The following PCDHGA1 variants were observed in gnomAD, a reference collection of about 807,000 sequenced individuals.
PCDHGA1 encodes the protein protocadherin gamma subfamily A, 1.
Under a neutral mutation model 58.0 loss-of-function variants are expected in PCDHGA1, and 32 were observed. The observed-to-expected ratio is 0.55, with a 90% CI of 0.42 to 0.74. The LOEUF is 0.74. Among genes scored for constraint, PCDHGA1 ranks in the 30% least tolerant of loss-of-function variants. The probability of loss-of-function intolerance (pLI) is 0.00; values close to 1 mark genes in which losing one functional copy is unlikely to be tolerated. For missense variants in PCDHGA1, 1,205 were observed against 1,182.3 expected, an observed-to-expected ratio of 1.02 and a Z score of -0.28; for synonymous variants, 498 against 501.1, an observed-to-expected ratio of 0.99 and a Z score of 0.08.
At chr5:141,370,435 G>A (rs748496364) in intron 1 of PCDHGA1, 30 of 1,603,488 alleles carry the variant, frequency 1.9e-5, no homozygotes, top group Middle Eastern at 1.7e-4. Context: ...GCAGGGCAGA[G>A]GCGAATGCTA....
intron 1 of PCDHGA1, among the ~76,000 whole-genome samples, chr5:141,451,542 G>A (rs1023356681): frequency 3.3e-5 from 5 of 152,148 alleles, no homozygotes; most frequent in Non-Finnish European, 7.3e-5. Context: ...GCCAGAGAGG[G>A]CAAATGTGAT....
chr5:141,413,601 A>T (rs2095657842), intron 1 of PCDHGA1: 1 of 1,613,814 alleles, frequency 6.2e-7, no homozygotes, highest in African/African-American at 1.3e-5. Flanking sequence ...CAGAAAATCT[A>T]GACGTAAAAA....
At chr5:141,500,293 C>T (rs1380080572) in intron 2 of PCDHGA1, among the ~76,000 whole-genome samples, 3 of 151,870 alleles carry the variant, frequency 2.0e-5, no homozygotes, top group Non-Finnish European at 4.4e-5. Flanking sequence ...ACTGCAAGCT[C>T]CGCCTCCCAG....
chr5:141,475,950 C>A, intron 1 of PCDHGA1: 1 of 761,530 alleles, frequency 1.3e-6, no homozygotes, highest in African/African-American at 1.7e-5. Flanking sequence ...CCCCTTTCTG[C>A]GCCCCGGGAT....
intron 1 of PCDHGA1, chr5:141,426,685 A>C (rs1342844985): frequency 4.6e-6 from 2 of 432,608 alleles, no homozygotes; most frequent in African/African-American, 2.0e-5. Flanking sequence ...CATTTTCCCC[A>C]AAATAGCATT....
Position 141,485,086 on chromosome 5 carries a change from A to T in PCDHGA1, c.2422-9721A>T. 1.0e-6 allele frequency: 1 copy of T among 999,576 alleles called. No individual in the cohort carries two copies. Among genetic ancestry groups the T allele is most frequent in the Non-Finnish European group, 1.5e-6 (1 of 651,740 alleles). 61.9% of individuals were successfully genotyped at this position (999,576 alleles called of 1,614,324 possible). A position where few individuals can be genotyped will look rare whatever the true frequency, so the allele number is the denominator to read the frequency against. On this transcript the variant is annotated intron_variant, in intron 1 of 3. Transcript: ENST00000517417. The surrounding 1 kb of genome is among the most constrained non-coding windows in gnomAD (Gnocchi z 5.7). The stretch of plus-strand genomic sequence containing the variant: ...CCAGAGCTGGCGCGGGGAAAGGGAG[A>T]TAGGTGTCTCCAGCTGCTGTGGCTG...
At position 141,404,691 on chromosome 5, in the gene PCDHGA1, G is replaced by T. The variant is rs200601931; in HGVS notation, c.2421+71586G>T. ...TCTACTGGTGTGGAGCTGGCACCCC[G>T]CTCTGCAGAGCCTGGCTACCTGGTG... On this transcript the variant is annotated intron_variant, in intron 1 of 3. Transcript: ENST00000517417. 28 of 1,613,996 alleles carry T rather than the reference G, an allele frequency of 1.7e-5. No individual in the cohort carries two copies. The highest frequency in any genetic ancestry group is 1.6e-4 in the Middle Eastern group (1 of 6,062).
chr5:141,437,030 A>G (rs1246601314), intron 1 of PCDHGA1, among the ~76,000 whole-genome samples: 1 of 152,248 alleles, frequency 6.6e-6, no homozygotes, highest in Non-Finnish European at 1.5e-5. Context: ...CAGAAAATGG[A>G]TCACCGAAAC....
At position 141,356,613 on chromosome 5, in the gene PCDHGA1, C is replaced by T. The variant is rs756162558; in HGVS notation, c.2421+23508C>T. On this transcript the variant is annotated intron_variant, in intron 1 of 3. Transcript: ENST00000517417. ...AAAACAACCCCAGAGGAGCCTCCAT[C>T]TTATCTATGACTGCTCAAGACCCTG... is the stretch of plus-strand genomic sequence containing the variant. 5 of 1,614,220 alleles carry T rather than the reference C, an allele frequency of 3.1e-6. No homozygotes were observed. In the Admixed American group the frequency reaches 6.7e-5, roughly 22 times the overall value.
intron 1 of PCDHGA1, among the ~76,000 whole-genome samples, chr5:141,472,908 C>T (rs1369506606): frequency 1.3e-5 from 2 of 149,744 alleles, no homozygotes; most frequent in African/African-American, 2.5e-5. Context: ...ATTGCTTGAA[C>T]CCAAGAGGAG....
At chr5:141,383,621 T>C (rs1392247611) in intron 1 of PCDHGA1, 1 of 1,613,762 alleles carries the variant, frequency 6.2e-7, no homozygotes, top group Admixed American at 1.7e-5. Flanking sequence ...CACACGCCTG[T>C]CTTCTCTCTG....
chr5:141,436,700 C>T (rs2097841356), intron 1 of PCDHGA1, among the ~76,000 whole-genome samples: 1 of 152,166 alleles, frequency 6.6e-6, no homozygotes, highest in Non-Finnish European at 1.5e-5. Flanking sequence ...AATGCCAGCA[C>T]ACTCGATGTT....
chr5:141,403,612 G>C (rs1314297922), intron 1 of PCDHGA1: 9 of 1,613,736 alleles, frequency 5.6e-6, no homozygotes, highest in African/African-American at 1.3e-5. Flanking sequence ...GCGGCGAGCC[G>C]CGTCGCTCCA....
At chr5:141,356,938 C>T (rs1284977558) in intron 1 of PCDHGA1, 4 of 1,614,116 alleles carry the variant, frequency 2.5e-6, no homozygotes, top group South Asian at 2.2e-5. Flanking sequence ...GCTGGCACCC[C>T]GCTCCGCAGA....
rs138149681 is a variant in PCDHGA1, at chr5:141,486,735, G to A, written c.2422-8072G>A. Reference sequence around the variant, plus strand: ...CAGACAGGAGCTGTTCATGCTACTCGATCCTTTGACTATGAGCAAACCCAG... The same window carrying A: ...CAGACAGGAGCTGTTCATGCTACTCAATCCTTTGACTATGAGCAAACCCAG... On this transcript the variant is annotated intron_variant, in intron 1 of 3. Transcript: ENST00000517417. The surrounding 1 kb of genome is among the most constrained non-coding windows in gnomAD (Gnocchi z 5.0). 3.1e-4 allele frequency: 502 copies of A among 1,614,174 alleles called. 1 individual carries two copies. Among genetic ancestry groups the A allele is most frequent in the South Asian group, 1.8e-3 (161 of 91,086 alleles).
chr5:141,372,531 C>T (rs767186429), intron 1 of PCDHGA1: 1 of 1,614,032 alleles, frequency 6.2e-7, no homozygotes, highest in South Asian at 1.1e-5. Context: ...GGCAATCTCC[C>T]TGCGCCTGCG....
In PCDHGA1 at chr5:141,489,633, T is replaced by C. The variant is rs1298084961; in HGVS notation, c.2422-5174T>C. On this transcript the variant is annotated intron_variant, in intron 1 of 3. Coordinates refer to ENST00000517417, the MANE Select transcript of PCDHGA1 (RefSeq NM_018912.3). The surrounding 1 kb of genome is among the most constrained non-coding windows in gnomAD (Gnocchi z 4.5). ...TCCTGGATCTCAATGACAACTCTCC[T>C]AGCTTTGCCACCCCTGAGCGAGAGA... The C allele has an allele frequency of 6.2e-7, 1 of 1,614,160 alleles. No individual in the cohort carries two copies. Among genetic ancestry groups the C allele is most frequent in the South Asian group, 1.1e-5 (1 of 91,086 alleles).
chr5:141,400,538 A>C (rs994052728), intron 1 of PCDHGA1: 5 of 1,613,662 alleles, frequency 3.1e-6, no homozygotes, highest in Non-Finnish European at 4.2e-6. Context: ...AGTTTCATTT[A>C]TGTCTATTCT....
chr5:141,357,669 G>C, intron 1 of PCDHGA1: 2 of 1,597,474 alleles, frequency 1.3e-6, no homozygotes, highest in Non-Finnish European at 1.7e-6. Flanking sequence ...TATAGACAAA[G>C]AGTTGTGTAA....
Sources: gnomAD v4.1 joint callset for allele counts (sites outside exome capture counted in the v4.1 genomes callset) on GRCh38, gnomAD v4.1.1 for gene constraint, Gnocchi (gnomAD v3.1) non-coding constraint, MANE v1.5 for transcripts, NCBI Gene and HGNC (gene_info 2026-07-23, HGNC 2026-07-21) for gene names.